WHRN: variants seen among roughly 807,000 people sequenced by gnomAD.
The protein encoded by WHRN is whirlin, also known as CASK-interacting protein CIP98.
WHRN carries 41 observed loss-of-function variants against 68.3 expected under a neutral mutation model. That is an observed-to-expected ratio of 0.60 (90% CI 0.47 to 0.78). The LOEUF (loss-of-function observed/expected upper bound fraction) is 0.78. Among genes scored for constraint, WHRN ranks in the 30% least tolerant of loss-of-function variants. The probability of loss-of-function intolerance (pLI) is 0.00; values close to 1 mark genes in which losing one functional copy is unlikely to be tolerated. For synonymous variants in WHRN, 560 were observed against 561.3 expected (o/e 1.00, Z 0.03); for missense variants, 1,243 against 1,244.7 (o/e 1.00, Z 0.02).
At chr9:114,491,604 T>G in intron 1 of WHRN, 1 of 210,812 alleles carries the variant, frequency 4.7e-6, no homozygotes, top group African/African-American at 2.3e-5. Flanking sequence ...CAGAAGAGTA[T>G]GAAAAAGCAG....
chr9:114,498,368 T>C lies in WHRN; in HGVS notation c.618+5816A>G, dbSNP rs557352040. On this transcript the variant is annotated intron_variant, in intron 1 of 11. Coordinates refer to ENST00000362057, the MANE Select transcript of WHRN (RefSeq NM_015404.4). ...GGTAGGGGTACTACTTCAGAGAGGGTGGCAGGGATGCAGAGGCATGAGAAT... is the reference window on the plus strand; with the variant it reads ...GGTAGGGGTACTACTTCAGAGAGGGCGGCAGGGATGCAGAGGCATGAGAAT... Among the ~76,000 whole-genome samples the C allele has an allele frequency of 4.6e-5, 7 of 151,954 alleles. No homozygotes were observed. The South Asian group carries it at 1.5e-3, about 32-fold the overall frequency.
chr9:114,406,728 G>C lies in WHRN; in HGVS notation c.1863C>G (p.Phe621Leu). The C allele has an allele frequency of 6.2e-7, 1 of 1,614,132 alleles. No homozygotes were observed. The highest frequency in any genetic ancestry group is 8.5e-7 in the Non-Finnish European group (1 of 1,180,016). Residue 621 changes from phenylalanine (F) to leucine (L), a missense_variant, in exon 9 of 12, where the codon TTC becomes TTG. Transcript: ENST00000362057. Reference sequence around the variant, plus strand: ...GCGGGCTGCGGTTCTGTGGAGCCGAGAAGACAGTGCCCGAGCAGGAAGGCA... The same window carrying C: ...GCGGGCTGCGGTTCTGTGGAGCCGACAAGACAGTGCCCGAGCAGGAAGGCA... ...SSMPSCSGTVFSAPQNRSPPA... is the reference protein window; with the variant it reads ...SSMPSCSGTVLSAPQNRSPPA...
At chr9:114,472,031 G>A (rs1841265101) in intron 2 of WHRN, among the ~76,000 whole-genome samples, 1 of 152,220 alleles carries the variant, frequency 6.6e-6, no homozygotes, top group Non-Finnish European at 1.5e-5. Context: ...CTACACCTCT[G>A]AAGAGAACAG....
intron 3 of WHRN, among the ~76,000 whole-genome samples, chr9:114,457,234 T>G (rs1017274616): frequency 3.3e-5 from 5 of 152,128 alleles, no homozygotes; most frequent in African/African-American, 4.8e-5. Context: ...CAGTGCTCTT[T>G]GTAGGGGTGG....
At chr9:114,424,108 T>C (rs554221530) in intron 6 of WHRN, among the ~76,000 whole-genome samples, 1 of 152,290 alleles carries the variant, frequency 6.6e-6, no homozygotes, top group African/African-American at 2.4e-5. Context: ...CACTCAGCGT[T>C]GGAAGCCACT....
In WHRN at chr9:114,437,272, T is replaced by A. The variant is rs77286052; in HGVS notation, c.964-10859A>T. 5.5e-4 allele frequency among the ~76,000 whole-genome samples: 84 copies of A among 152,098 alleles called. 1 individual carries two copies. The highest frequency in any genetic ancestry group is 2.0e-3 in the African/African-American group (82 of 41,478). ...GACTAAATGCCAAACAGATCAGAGG[T>A]CTAAAGGAAAAATGTATTTATAGGC... is the stretch of plus-strand genomic sequence containing the variant. On this transcript the variant is annotated intron_variant, in intron 3 of 11. Coordinates refer to ENST00000362057, the MANE Select transcript of WHRN (RefSeq NM_015404.4).
At chr9:114,492,454 T>C (rs888518004) in intron 1 of WHRN, among the ~76,000 whole-genome samples, 3 of 152,176 alleles carry the variant, frequency 2.0e-5, no homozygotes, top group African/African-American at 7.2e-5. Flanking sequence ...AATCACAGTG[T>C]AGAAACATTT....
chr9:114,424,622 C>A (rs1333426497), intron 5 of WHRN, 76 bp from the exon 6 acceptor site: 7 of 1,451,612 alleles, frequency 4.8e-6, no homozygotes, highest in Non-Finnish European at 5.7e-6. Context: ...TCCCCCTCTG[C>A]CCTTCCATCC....
chr9:114,417,066 T>C lies in WHRN; in HGVS notation c.1626+6248A>G, dbSNP rs113396542. On this transcript the variant is annotated intron_variant, in intron 7 of 11. Transcript: ENST00000362057. Reference sequence around the variant, plus strand: ...TTTCACTCTGCTCTCTCGGCCAACATCTTTATGGGGGAAATGATATTGTGT... The same window carrying C: ...TTTCACTCTGCTCTCTCGGCCAACACCTTTATGGGGGAAATGATATTGTGT... 7.0e-3 allele frequency among the ~76,000 whole-genome samples: 1,073 copies of C among 152,262 alleles called. 12 individuals are homozygous for C. The highest frequency in any genetic ancestry group is 0.037 in the East Asian group (190 of 5,186).
At chr9:114,448,365 C>G (rs377578646) in intron 3 of WHRN, among the ~76,000 whole-genome samples, 1 of 151,970 alleles carries the variant, frequency 6.6e-6, no homozygotes, top group Non-Finnish European at 1.5e-5. Flanking sequence ...TGAGTGTGAT[C>G]CTGCTGTCAC....
chr9:114,450,210 C>T (rs1437317241), intron 3 of WHRN, among the ~76,000 whole-genome samples: 1 of 152,192 alleles, frequency 6.6e-6, no homozygotes, highest in African/African-American at 2.4e-5. Flanking sequence ...TGTCATCCTA[C>T]CTTCTGCTGA....
rs1441194324 is a variant in WHRN, at chr9:114,486,952, T to TAGA, written c.619-8182_619-8181insTCT. 8.8e-5 allele frequency among the ~76,000 whole-genome samples: 9 copies of TAGA among 101,960 alleles called. 1 individual carries two copies. Among genetic ancestry groups the TAGA allele is most frequent in the African/African-American group, 6.4e-4 (9 of 13,994 alleles). The allele number at this position is 101,960 out of a possible 152,430, so 66.9% of individuals were successfully genotyped here. A position where few individuals can be genotyped will look rare whatever the true frequency, so the allele number is the denominator to read the frequency against. On this transcript the variant is annotated intron_variant, in intron 1 of 11. Transcript: ENST00000362057. ...AGTGTGTGTGTGTGTTGTGTGTGTG[T>TAGA]GTGTGTGTATATATATATATATATA...
intron 1 of WHRN, among the ~76,000 whole-genome samples, chr9:114,483,537 T>C (rs541254100): frequency 1.3e-5 from 2 of 152,348 alleles, no homozygotes; most frequent in African/African-American, 4.8e-5. Context: ...CCTTGATCCC[T>C]GAGGCTCAGG....
intron 3 of WHRN, among the ~76,000 whole-genome samples, chr9:114,428,865 C>T (rs1017397980): frequency 3.9e-5 from 6 of 152,124 alleles, no homozygotes; most frequent in African/African-American, 9.7e-5. Context: ...CCCACGTGAG[C>T]GAGCTAGCAT....
chr9:114,410,762 C>G (rs9695079), intron 7 of WHRN, among the ~76,000 whole-genome samples: 4,861 of 152,338 alleles, frequency 0.032, 284 homozygotes, highest in African/African-American at 0.11. Flanking sequence ...GACCTGTTAA[C>G]TGCACACTGC....
intron 3 of WHRN, among the ~76,000 whole-genome samples, chr9:114,457,466 T>G: frequency 6.6e-6 from 1 of 151,946 alleles, no homozygotes; most frequent in East Asian, 1.9e-4. Context: ...AATAGATAAA[T>G]GAGTGAGAAG....
chr9:114,483,952 T>C (rs1211917347), intron 1 of WHRN, among the ~76,000 whole-genome samples: 1 of 152,208 alleles, frequency 6.6e-6, no homozygotes, highest in Non-Finnish European at 1.5e-5. Flanking sequence ...GTTGCACCTA[T>C]GGGCACCTGA....
Position 114,403,202 on chromosome 9 carries a change from C to A in WHRN, c.2541+15G>T, listed in dbSNP as rs748887578. The A allele has an allele frequency of 3.5e-5, 56 of 1,613,890 alleles. No individual in the cohort carries two copies. The South Asian group carries it at 4.2e-4, about 12-fold the overall frequency. ...GGGTAGGGAGAGATGGCAAGTGGGG[C>A]CCCTGGGGACATACCTGAATAGTGA... On this transcript the variant is annotated intron_variant, in intron 11 of 11. Transcript: ENST00000362057.
At chr9:114,445,872 T>A (rs1838777728) in intron 3 of WHRN, among the ~76,000 whole-genome samples, 1 of 152,178 alleles carries the variant, frequency 6.6e-6, no homozygotes, top group African/African-American at 2.4e-5. Context: ...TAAATCCTGA[T>A]TTCAATTAGA....
Sources: gnomAD v4.1 joint callset for allele counts (sites outside exome capture counted in the v4.1 genomes callset) on GRCh38, gnomAD v4.1.1 for gene constraint, MANE v1.5 for transcripts, NCBI Gene and HGNC (gene_info 2026-07-23, HGNC 2026-07-21) for gene names.